The following PRRG3 variants were observed in gnomAD, a reference collection of about 807,000 sequenced individuals.
PRRG3 encodes the protein transmembrane gamma-carboxyglutamic acid protein 3.
A neutral mutation model predicts 15.8 loss-of-function variants in PRRG3; 21 were observed. The ratio of observed to expected loss-of-function variants is 1.33; its 90% CI spans 0.94 to 1.92. The LOEUF (loss-of-function observed/expected upper bound fraction) is 1.92. Among genes scored for constraint, PRRG3 ranks in the 40% most tolerant of loss-of-function variants. The probability of loss-of-function intolerance (pLI) is 0.00; values close to 1 mark genes in which losing one functional copy is unlikely to be tolerated. For missense variants in PRRG3, 251 were observed against 200.2 expected (o/e 1.25, Z -1.53); for synonymous variants, 125 against 84.1 (o/e 1.49, Z -2.66).
rs765014529 is a variant in PRRG3, at chrX:151,700,666, G to A, written c.329G>A (p.Arg110His). 2.2e-5 allele frequency: 27 copies of A among 1,208,903 alleles called. No individual in the cohort carries two copies. The highest frequency in any genetic ancestry group is 1.6e-4 in the African/African-American group (9 of 56,774). Residue 110 changes from arginine to histidine, a missense_variant, in exon 4 of 4, where the codon CGT becomes CAT. By Grantham distance (29) the Arg-to-His change is conservative. Transcript: ENST00000674457. ...IWRCQLQKAT[R>H]HHPSYAQNRY... ...AGGTGCCAGCTGCAGAAAGCGACCC[G>A]TCACCACCCCTCCTATGCTCAGAAC... is the stretch of plus-strand genomic sequence containing the variant.
chrX:151,700,221 C>A, intron 3 of PRRG3, 65 bp downstream of exon 3: 6 of 1,208,293 alleles, frequency 5.0e-6, no homozygotes, highest in Non-Finnish European at 6.7e-6. Context: ...AGAACAGGCC[C>A]TGGTAATGCA....
At chrX:151,694,841 G>T (rs1388466964), upstream of PRRG3, among the ~76,000 whole-genome samples, 1 of 111,859 alleles carries the variant, frequency 8.9e-6, no homozygotes, top group Non-Finnish European at 1.9e-5. Flanking sequence ...CTGCTACGCC[G>T]TATCTTCCGA....
At chrX:151,698,679 C>A (rs1475596075) in intron 1 of PRRG3, 105 bp from the exon 2 acceptor site, 1 of 600,127 alleles carries the variant, frequency 1.7e-6, no homozygotes, top group African/African-American at 2.2e-5. Context: ...CTGCTTCAAC[C>A]TTTTGACCAC....
chrX:151,701,235 C>A lies in PRRG3; in HGVS notation c.*202C>A, dbSNP rs2014878690. On this transcript the variant is annotated 3_prime_UTR_variant, in exon 4 of 4. Coordinates refer to ENST00000674457, the MANE Select transcript of PRRG3 (RefSeq NM_001372163.1). ...GTAGGGACCACGCATGAGTCGAAGCCCCCGGGAAGAGCCAAAGGCCAAAGT... is the reference window on the plus strand; with the variant it reads ...GTAGGGACCACGCATGAGTCGAAGCACCCGGGAAGAGCCAAAGGCCAAAGT... 6.0e-6 allele frequency: 2 copies of A among 332,893 alleles called. No individual in the cohort carries two copies. Among genetic ancestry groups the A allele is most frequent in the African/African-American group, 5.3e-5 (2 of 37,588 alleles). 27.4% of individuals were successfully genotyped at this position (332,893 alleles called of 1,213,427 possible). A position where few individuals can be genotyped will look rare whatever the true frequency, so the allele number is the denominator to read the frequency against.
In PRRG3 at chrX:151,705,572, C is replaced by A. The variant is rs1271153162; in HGVS notation, c.*4539C>A. ...CTCAATCCATCTCCCCTCATCGATA[C>A]CAATTTCCCAGGCCTGAACACATCT... On this transcript the variant is annotated 3_prime_UTR_variant, in exon 4 of 4. Transcript: ENST00000674457. 3 of 255,381 alleles carry A rather than the reference C, an allele frequency of 1.2e-5. No individual in the cohort carries two copies. Among genetic ancestry groups the A allele is most frequent in the Middle Eastern group, 1.1e-3 (1 of 924 alleles). The allele number at this position is 255,381 out of a possible 1,213,427, so 21.0% of individuals were successfully genotyped here. A position where few individuals can be genotyped will look rare whatever the true frequency, so the allele number is the denominator to read the frequency against.
In PRRG3 at chrX:151,700,833, A is replaced by G. The variant is rs1344112627; in HGVS notation, c.496A>G (p.Arg166Gly). 1 of 1,192,286 alleles carries G rather than the reference A, an allele frequency of 8.4e-7. No homozygotes were observed. Among genetic ancestry groups the G allele is most frequent in the African/African-American group, 1.8e-5 (1 of 55,713 alleles). The change falls in exon 4 of 4, where the codon AGG (arginine) becomes GGG (glycine). Residue 166 changes from arginine (R) to glycine (G), a missense_variant. Arg to Gly is a moderately radical substitution (Grantham distance 125). Transcript: ENST00000674457. ...QVVLGPSRGG[R>G]TTVRLESTLY... Reference sequence around the variant, plus strand: ...GGTGCTGGGGCCCAGTCGGGGGGGCAGGACCACAGTCCGGCTAGAGAGCAC... The same window carrying G: ...GGTGCTGGGGCCCAGTCGGGGGGGCGGGACCACAGTCCGGCTAGAGAGCAC...
rs541030004 is a variant in PRRG3, at chrX:151,699,911, A to G, written c.8-85A>G. On this transcript the variant is annotated intron_variant, in intron 2 of 3. Transcript: ENST00000674457. ...CTCGGCCTTGTTTCCCTGCATAATT[A>G]TGCTTCAGTTGCTGGGCTGGGCCTG... is the stretch of plus-strand genomic sequence containing the variant. 1.7e-4 allele frequency: 169 copies of G among 974,828 alleles called. No individual in the cohort carries two copies. The South Asian group carries it at 3.8e-3, about 22-fold the overall frequency. The allele number at this position is 974,828 out of a possible 1,213,427, so 80.3% of individuals were successfully genotyped here. A position where few individuals can be genotyped will look rare whatever the true frequency, so the allele number is the denominator to read the frequency against.
chrX:151,698,695 T>G, intron 1 of PRRG3, 89 bp from the exon 2 acceptor site: 1 of 698,716 alleles, frequency 1.4e-6, no homozygotes, highest in Non-Finnish European at 2.2e-6. Context: ...ACCACGCCAG[T>G]GGGAGGGGGG....
At position 151,705,629 on chromosome X, in the gene PRRG3, CAG is replaced by C. The variant is rs1471027032; in HGVS notation, c.*4597_*4598del. ...TTGCTCTGACATTGTGAATTTGTGA[CAG>C]TGGAAACCCTGATATGTGCAACTGA... On this transcript the variant is annotated 3_prime_UTR_variant, in exon 4 of 4. Coordinates refer to ENST00000674457, the MANE Select transcript of PRRG3 (RefSeq NM_001372163.1). 9.6e-6 allele frequency: 2 copies of C among 208,480 alleles called. No individual in the cohort carries two copies. Among genetic ancestry groups the C allele is most frequent in the African/African-American group, 5.9e-5 (2 of 34,114 alleles). The allele number at this position is 208,480 out of a possible 1,213,427, so 17.2% of individuals were successfully genotyped here. A position where few individuals can be genotyped will look rare whatever the true frequency, so the allele number is the denominator to read the frequency against.
rs777108893 is a variant in PRRG3, at chrX:151,702,120, T to C, written c.*1087T>C. The C allele has an allele frequency of 6.3e-4, 70 of 111,374 alleles. No homozygotes were observed. In the Admixed American group the frequency reaches 6.4e-3, roughly 10 times the overall value. The allele number at this position is 111,374 out of a possible 1,213,427, so 9.2% of individuals were successfully genotyped here. On this transcript the variant is annotated 3_prime_UTR_variant, in exon 4 of 4. Transcript: ENST00000674457. ...CTGTCAGTGACCATGCTAGACACTGTTGATACCACCTCCCCCTACTTCCGT... is the reference window on the plus strand; with the variant it reads ...CTGTCAGTGACCATGCTAGACACTGCTGATACCACCTCCCCCTACTTCCGT...
rs764193811 is a variant in PRRG3, at chrX:151,702,206, G to T, written c.*1173G>T. The T allele has an allele frequency of 8.9e-6, 1 of 112,570 alleles. No individual in the cohort carries two copies. Among genetic ancestry groups the T allele is most frequent in the South Asian group, 3.7e-4 (1 of 2,695 alleles). The allele number at this position is 112,570 out of a possible 1,213,427, so 9.3% of individuals were successfully genotyped here. On this transcript the variant is annotated 3_prime_UTR_variant, in exon 4 of 4. Transcript: ENST00000674457. Reference sequence around the variant, plus strand: ...CCTCTGTGGTGCTTTAAAAATTGTAGCAAATTTTTGTGTGGTGCAAGAATG... The same window carrying T: ...CCTCTGTGGTGCTTTAAAAATTGTATCAAATTTTTGTGTGGTGCAAGAATG...
intron 1 of PRRG3, among the ~76,000 whole-genome samples, chrX:151,695,859 G>A (rs779004619): frequency 9.9e-5 from 11 of 111,285 alleles, no homozygotes; most frequent in Non-Finnish European, 1.9e-4. Context: ...ATGCGATTTG[G>A]AGAACCCTTT....
chrX:151,699,791 G>C (rs781555003), intron 2 of PRRG3, among the ~76,000 whole-genome samples: 2 of 112,943 alleles, frequency 1.8e-5, no homozygotes, highest in African/African-American at 3.2e-5. Context: ...TTCTAGACAG[G>C]TGTATCATGG....
At position 151,700,490 on chromosome X, in the gene PRRG3, ACT is replaced by A; in HGVS notation, c.169-15_169-14del. 8.5e-7 allele frequency: 1 copy of A among 1,170,797 alleles called. No homozygotes were observed. The highest frequency in any genetic ancestry group is 1.1e-6 in the Non-Finnish European group (1 of 871,903). ...GGAGCTTGAGCTTCTCTTAAGTACC[ACT>A]TTTTCTTTTGCAGATGGAGTTCTGG... On this transcript the variant is annotated splice_polypyrimidine_tract_variant and intron_variant, in intron 3 of 3. Transcript: ENST00000674457.
intron 2 of PRRG3, 44 bp from the exon 3 acceptor site, chrX:151,699,952 T>C (rs375068039): frequency 8.7e-7 from 1 of 1,144,227 alleles, no homozygotes; most frequent in Non-Finnish European, 1.2e-6. Context: ...AAGGAGCCCC[T>C]GGGCATCTCC....
In PRRG3 at chrX:151,701,167, G is replaced by T; in HGVS notation, c.*134G>T. ...TGCCAAATAATTCCCTAACTGTGGA[G>T]TTTTAGGAAGTCAGTTGTCAGAGAC... On this transcript the variant is annotated 3_prime_UTR_variant, in exon 4 of 4. Transcript: ENST00000674457. 18 of 513,626 alleles carry T rather than the reference G, an allele frequency of 3.5e-5. No individual in the cohort carries two copies. Among genetic ancestry groups the T allele is most frequent in the Non-Finnish European group, 3.9e-5 (14 of 363,164 alleles). 42.3% of individuals were successfully genotyped at this position (513,626 alleles called of 1,213,427 possible).
In PRRG3 at chrX:151,701,345, C is replaced by T. The variant is rs1040436810; in HGVS notation, c.*312C>T. 3 of 199,741 alleles carry T rather than the reference C, an allele frequency of 1.5e-5. No individual in the cohort carries two copies. The highest frequency in any genetic ancestry group is 8.8e-5 in the African/African-American group (3 of 34,144). The allele number at this position is 199,741 out of a possible 1,213,427, so 16.5% of individuals were successfully genotyped here. A position where few individuals can be genotyped will look rare whatever the true frequency, so the allele number is the denominator to read the frequency against. On this transcript the variant is annotated 3_prime_UTR_variant, in exon 4 of 4. Coordinates refer to ENST00000674457, the MANE Select transcript of PRRG3 (RefSeq NM_001372163.1). ...GCTTCTCTTATGCCAAAGGAATAACCCCATTGAGTTGATTGTGGCCAGAAT... is the reference window on the plus strand; with the variant it reads ...GCTTCTCTTATGCCAAAGGAATAACTCCATTGAGTTGATTGTGGCCAGAAT...
Position 151,700,786 on chromosome X carries a change from A to G in PRRG3, c.449A>G (p.Glu150Gly), listed in dbSNP as rs377331866. 8.4e-7 allele frequency: 1 copy of G among 1,195,270 alleles called. No homozygotes were observed. Among genetic ancestry groups the G allele is most frequent in the Non-Finnish European group, 1.1e-6 (1 of 885,280 alleles). The part of the protein sequence containing the change: ...HSQGEPSGHR[E>G]AANSPQVVLG... ...CAAGGGGAGCCTTCTGGGCACCGAG[A>G]GGCAGCGAACAGCCCCCAGGTGGTG... is the stretch of plus-strand genomic sequence containing the variant. Residue 150 changes from glutamate to glycine, a missense_variant, in exon 4 of 4, where the codon GAG becomes GGG. Coordinates refer to ENST00000674457, the MANE Select transcript of PRRG3 (RefSeq NM_001372163.1).
At position 151,704,139 on chromosome X, in the gene PRRG3, CG is replaced by C. The variant is rs2014942163; in HGVS notation, c.*3107del. 1 of 109,710 alleles carries C rather than the reference CG, an allele frequency of 9.1e-6. No homozygotes were observed. Among genetic ancestry groups the C allele is most frequent in the East Asian group, 2.9e-4 (1 of 3,506 alleles). The allele number at this position is 109,710 out of a possible 1,213,427, so 9.0% of individuals were successfully genotyped here. ...ATCCTGTCCCTCCCCCGCTTCCCAT[CG>C]CCTCCGGTTTTCAAAATGAAAGCAC... On this transcript the variant is annotated 3_prime_UTR_variant, in exon 4 of 4. Coordinates refer to ENST00000674457, the MANE Select transcript of PRRG3 (RefSeq NM_001372163.1).
Sources: gnomAD v4.1 joint callset for allele counts (sites outside exome capture counted in the v4.1 genomes callset) on GRCh38, gnomAD v4.1.1 for gene constraint, MANE v1.5 for transcripts, NCBI Gene and HGNC (gene_info 2026-07-23, HGNC 2026-07-21) for gene names.